SHISA9: variants seen among roughly 807,000 people sequenced by gnomAD.
SHISA9 encodes the protein protein shisa-9.
In SHISA9, 13 loss-of-function variants were observed where a neutral mutation model predicts 38.0. The ratio of observed to expected loss-of-function variants is 0.34; its 90% CI spans 0.22 to 0.54. SHISA9 has a LOEUF of 0.54. Among genes scored for constraint, SHISA9 ranks in the 20% least tolerant of loss-of-function variants. The probability of loss-of-function intolerance (pLI) is 0.91; values close to 1 mark genes in which losing one functional copy is unlikely to be tolerated. For synonymous variants in SHISA9, 275 were observed against 242.0 expected (o/e 1.14, Z -1.27); for missense variants, 538 against 575.8 (o/e 0.93, Z 0.67).
chr16:13,258,432 A>G, the SHISA9 span: 4 of 152,364 alleles, frequency 2.6e-5, no homozygotes, highest in Admixed American at 1.3e-4. Flanking sequence ...ATGGCATATA[A>G]CAGGTGAACA....
the SHISA9 span, among the ~76,000 whole-genome samples, chr16:13,539,548 C>CGA: frequency 6.6e-6 from 1 of 151,656 alleles, no homozygotes; most frequent in Non-Finnish European, 1.5e-5. Context: ...GGCTTTTAAT[C>CGA]TAATACTTTT....
chr16:13,018,047 A>G (rs560235163), intron 2 of SHISA9, among the ~76,000 whole-genome samples: 1 of 152,302 alleles, frequency 6.6e-6, no homozygotes, highest in East Asian at 1.9e-4. Context: ...TCTTACCTAA[A>G]TCCTGTGTTG....
chr16:13,339,165 C>CTTTTTTTTTTTTTTTTTTTTT, the SHISA9 span, among the ~76,000 whole-genome samples: 1 of 132,856 alleles, frequency 7.5e-6, no homozygotes, highest in Non-Finnish European at 1.6e-5. Flanking sequence ...CTTATTGTGA[C>CTTTTTTTTTTTTTTTTTTTTT]TTTTTTTTTT....
intron 2 of SHISA9, among the ~76,000 whole-genome samples, chr16:13,055,330 T>G (rs1248696033): frequency 1.1e-4 from 16 of 152,140 alleles, no homozygotes; most frequent in Non-Finnish European, 4.4e-5. Flanking sequence ...ATAACCACAG[T>G]GCTGTTTTGT....
chr16:13,203,122 C>T (rs920770035), intron 2 of SHISA9: 2 of 299,122 alleles, frequency 6.7e-6, no homozygotes, highest in Non-Finnish European at 1.2e-5. Flanking sequence ...AAAATAACCT[C>T]TCTACTGAAA....
At chr16:13,468,952 C>CAAA in the SHISA9 span, among the ~76,000 whole-genome samples, 1 of 150,296 alleles carries the variant, frequency 6.7e-6, no homozygotes, top group South Asian at 2.1e-4. Context: ...ACAACAACAA[C>CAAA]AAAAAAGAGG....
intron 2 of SHISA9, among the ~76,000 whole-genome samples, chr16:13,011,298 C>T (rs1229271821): frequency 2.7e-5 from 4 of 149,438 alleles, no homozygotes; most frequent in African/African-American, 7.4e-5. Context: ...TTCACATAAC[C>T]ATCATCTCAT....
At chr16:13,542,917 T>C in the SHISA9 span, among the ~76,000 whole-genome samples, 1 of 152,204 alleles carries the variant, frequency 6.6e-6, no homozygotes, top group African/African-American at 2.4e-5. Flanking sequence ...GTGGAATCAA[T>C]GGCCGTGAAC....
chr16:13,050,711 G>C (rs1252020989), intron 2 of SHISA9, among the ~76,000 whole-genome samples: 1 of 152,164 alleles, frequency 6.6e-6, no homozygotes, highest in Non-Finnish European at 1.5e-5. Flanking sequence ...AATCTAACTG[G>C]GGAAGCCAGG....
intron 2 of SHISA9, among the ~76,000 whole-genome samples, chr16:12,978,581 G>T (rs150601864): frequency 0.012 from 1,812 of 152,264 alleles, 12 homozygotes; most frequent in Non-Finnish European, 0.019. Context: ...ATCAATATTT[G>T]CTTCCAAAGT....
At chr16:13,313,277 G>T in the SHISA9 span, among the ~76,000 whole-genome samples, 2 of 121,288 alleles carry the variant, frequency 1.6e-5, 1 homozygote, top group African/African-American at 6.0e-5. Flanking sequence ...AAAAAACCCA[G>T]TTTTATAAAT....
rs140470030 is a variant in SHISA9 at position 13,104,481 on chromosome 16, A to T, written c.692-98913A>T. Among the ~76,000 whole-genome samples the T allele has an allele frequency of 8.9e-3, 1,352 of 152,318 alleles. 21 individuals carry two copies. The highest frequency in any genetic ancestry group is 0.031 in the African/African-American group (1,285 of 41,566). ...ATCAATTAGTAAATGGATAAACAAA[A>T]TGTGGTATATCCATATAATGGAATA... On this transcript the variant is annotated intron_variant, in intron 2 of 4. Transcript: ENST00000558583.
chr16:13,389,077 C>G, the SHISA9 span, among the ~76,000 whole-genome samples: 1 of 152,146 alleles, frequency 6.6e-6, no homozygotes. Context: ...CCTACATTGA[C>G]ACATCCCTGC....
the SHISA9 span, among the ~76,000 whole-genome samples, chr16:13,338,663 C>T: frequency 3.3e-5 from 5 of 152,090 alleles, no homozygotes; most frequent in Admixed American, 1.3e-4. Context: ...GGTCTGCCTC[C>T]TGAGTGATGG....
At chr16:13,139,777 G>C (rs1169052803) in intron 2 of SHISA9, among the ~76,000 whole-genome samples, 1 of 152,162 alleles carries the variant, frequency 6.6e-6, no homozygotes. Flanking sequence ...AACAAGACAA[G>C]TCAGGTTAGA....
At chr16:13,530,275 T>A in the SHISA9 span, among the ~76,000 whole-genome samples, 2 of 152,190 alleles carry the variant, frequency 1.3e-5, no homozygotes, top group African/African-American at 4.8e-5. Context: ...CACTCCCGCC[T>A]GGGTGACAGA....
chr16:13,317,040 C>T, the SHISA9 span, among the ~76,000 whole-genome samples: 105,764 of 152,114 alleles, frequency 0.7, 37,407 homozygotes, highest in African/African-American at 0.81. Context: ...GCTTCCCTGT[C>T]CCAGACTGAG....
At chr16:13,390,806 A>G in the SHISA9 span, among the ~76,000 whole-genome samples, 1 of 152,214 alleles carries the variant, frequency 6.6e-6, no homozygotes, top group Non-Finnish European at 1.5e-5. Context: ...AGAAGATTTC[A>G]TGGGCTGATG....
At chr16:13,384,670 G>A in the SHISA9 span, among the ~76,000 whole-genome samples, 21 of 152,268 alleles carry the variant, frequency 1.4e-4, no homozygotes, top group South Asian at 6.2e-4. Context: ...TGGCAAGAGC[G>A]TTTTCTTCCG....
Sources: allele counts gnomAD v4.1 joint callset (sites outside exome capture counted in the v4.1 genomes callset), GRCh38; gene constraint gnomAD v4.1.1; transcripts MANE v1.5; gene names NCBI Gene and HGNC (gene_info 2026-07-23, HGNC 2026-07-21).